The following PVT1 variants were observed in gnomAD, a reference collection of about 807,000 sequenced individuals.
The protein encoded by PVT1 is Pvt1 oncogene.
At chr8:127,832,413 A>C (rs1164942902) in intron 2 of PVT1, among the ~76,000 whole-genome samples, 1 of 152,218 alleles carries the variant, frequency 6.6e-6, no homozygotes, top group Non-Finnish European at 1.5e-5. Flanking sequence ...ACCTGCTGAC[A>C]GATAAGGTAT....
At chr8:127,953,617 C>T (rs919004534) in intron 3 of PVT1, among the ~76,000 whole-genome samples, 25 of 152,224 alleles carry the variant, frequency 1.6e-4, no homozygotes, top group African/African-American at 4.3e-4. Flanking sequence ...ATAAATTGAA[C>T]GGGTAATTTG....
intron 2 of PVT1, among the ~76,000 whole-genome samples, chr8:127,798,091 T>A (rs1814417858): frequency 6.6e-6 from 1 of 151,778 alleles, no homozygotes; most frequent in Non-Finnish European, 1.5e-5. Flanking sequence ...TCACCTGAGG[T>A]CAGGAGTTCG....
At position 127,852,105 on chromosome 8, in the gene PVT1, G is replaced by A. The variant is rs561542182; in HGVS notation, n.373-38484G>A. ...TCAGCAGCAGTTGGGGAGCTGCCTC[G>A]ATTTCTGGTTACAGAATTCCTGGAA... On this transcript the variant is annotated intron_variant and non_coding_transcript_variant, in intron 2 of 10. Coordinates refer to ENST00000651587, the Ensembl canonical transcript of PVT1. 6 of 152,314 alleles carry A rather than the reference G, an allele frequency of 3.9e-5. No individual in the cohort carries two copies. The East Asian group carries it at 1.2e-3, about 29-fold the overall frequency. 9.4% of individuals were successfully genotyped at this position (152,314 alleles called of 1,614,324 possible).
chr8:128,063,454 G>C (rs1219170330), intron 4 of PVT1, among the ~76,000 whole-genome samples: 1 of 149,150 alleles, frequency 6.7e-6, no homozygotes. Context: ...GGGGATTGCA[G>C]TGAGCTGAGA....
At chr8:128,085,656 C>T (rs767752525) in intron 5 of PVT1, among the ~76,000 whole-genome samples, 8 of 152,304 alleles carry the variant, frequency 5.3e-5, no homozygotes, top group Middle Eastern at 3.4e-3. Flanking sequence ...TTTCATTTTA[C>T]GACTCACCCT....
At chr8:127,861,872 G>A (rs1815232979) in intron 2 of PVT1, among the ~76,000 whole-genome samples, 1 of 152,144 alleles carries the variant, frequency 6.6e-6, no homozygotes, top group African/African-American at 2.4e-5. Context: ...CAGTCCTGCG[G>A]GGCTTTCAGA....
At chr8:127,972,118 A>G (rs368422004) in intron 3 of PVT1, among the ~76,000 whole-genome samples, 2 of 152,164 alleles carry the variant, frequency 1.3e-5, no homozygotes, top group Non-Finnish European at 2.9e-5. Context: ...CTACTGCTGC[A>G]CTCCAGTGTT....
intron 2 of PVT1, among the ~76,000 whole-genome samples, chr8:127,861,033 T>G (rs1256552616): frequency 6.6e-6 from 1 of 152,174 alleles, no homozygotes; most frequent in African/African-American, 2.4e-5. Flanking sequence ...TCGTGTTGCC[T>G]TGGACCTATT....
At chr8:127,959,325 G>T (rs544237181) in intron 3 of PVT1, among the ~76,000 whole-genome samples, 1 of 152,154 alleles carries the variant, frequency 6.6e-6, no homozygotes, top group Non-Finnish European at 1.5e-5. Flanking sequence ...GGTGGCTCAC[G>T]CCTGTAATCC....
chr8:128,057,240 T>C (rs1046906533), intron 4 of PVT1, among the ~76,000 whole-genome samples: 3 of 151,884 alleles, frequency 2.0e-5, no homozygotes, highest in Admixed American at 6.6e-5. Flanking sequence ...ATTAATACTG[T>C]ATACAAACGT....
intron 4 of PVT1, among the ~76,000 whole-genome samples, chr8:128,047,917 G>A (rs1320900998): frequency 6.6e-6 from 1 of 151,936 alleles, no homozygotes; most frequent in Non-Finnish European, 1.5e-5. Flanking sequence ...AAAATTAGTG[G>A]CTATATGAAG....
intron 2 of PVT1, among the ~76,000 whole-genome samples, chr8:127,880,879 G>A (rs543309359): frequency 6.6e-6 from 1 of 152,308 alleles, no homozygotes; most frequent in Non-Finnish European, 1.5e-5. Flanking sequence ...GATTACAGGC[G>A]TGAGCCACTG....
rs543808112 is a variant in PVT1 at position 128,065,796 on chromosome 8, G to A, written n.913-4364G>A. Among the ~76,000 whole-genome samples, 10 of 152,304 alleles carry A rather than the reference G, an allele frequency of 6.6e-5. No homozygotes were observed. The South Asian group carries it at 8.3e-4, about 13-fold the overall frequency. On this transcript the variant is annotated intron_variant and non_coding_transcript_variant, in intron 4 of 10. Transcript: ENST00000651587. ...ACTTCTTAGCAGCCCACTGAGTTCC[G>A]ACAATGTGCTGGACATTGTGCACAC...
chr8:128,043,354 T>G (rs1813568866), intron 4 of PVT1, among the ~76,000 whole-genome samples: 1 of 152,192 alleles, frequency 6.6e-6, no homozygotes, highest in Non-Finnish European at 1.5e-5. Flanking sequence ...TCTCCATGGC[T>G]TCTCACAGGC....
exon 3 of PVT1, chr8:127,890,605 A>G (rs1247211630): frequency 6.6e-6 from 1 of 152,272 alleles, no homozygotes; most frequent in Non-Finnish European, 1.5e-5. Context: ...TCTTTTGGCC[A>G]GAAGGAGATT....
chr8:128,100,305 T>G (rs1250823039), intron 6 of PVT1, among the ~76,000 whole-genome samples: 1 of 152,196 alleles, frequency 6.6e-6, no homozygotes, highest in Non-Finnish European at 1.5e-5. Context: ...GATGTAGCAC[T>G]GCACAAGAGA....
At position 128,033,720 on chromosome 8, in the gene PVT1, A is replaced by T. The variant is rs182212638; in HGVS notation, n.913-36440A>T. Among the ~76,000 whole-genome samples the T allele has an allele frequency of 2.3e-3, 354 of 152,298 alleles. 1 individual carries two copies. Among genetic ancestry groups the T allele is most frequent in the Non-Finnish European group, 2.5e-3 (168 of 68,010 alleles). On this transcript the variant is annotated intron_variant and non_coding_transcript_variant, in intron 4 of 10. Coordinates refer to ENST00000651587, the Ensembl canonical transcript of PVT1. ...GAAACTGACTTGGGGCTCTGATTTT[A>T]ACAATGGCCTTGAAGTAAGGCATTC...
At chr8:127,798,702 TAC>T (rs1814426494) in intron 2 of PVT1, among the ~76,000 whole-genome samples, 1 of 20,662 alleles carries the variant, frequency 4.8e-5, no homozygotes, top group South Asian at 1.4e-3. Flanking sequence ...CTACTAAAAA[TAC>T]AAAAAAAAAA....
chr8:128,041,534 G>A (rs1397349812), intron 4 of PVT1, among the ~76,000 whole-genome samples: 3 of 147,142 alleles, frequency 2.0e-5, no homozygotes, highest in African/African-American at 7.5e-5. Flanking sequence ...TGTTGTGTAC[G>A]TGTGTGTGCT....
Sources: allele counts gnomAD v4.1 joint callset (sites outside exome capture counted in the v4.1 genomes callset), GRCh38; gene constraint gnomAD v4.1.1; transcripts MANE v1.5; gene names NCBI Gene and HGNC (gene_info 2026-07-23, HGNC 2026-07-21).